PLCB1: variants seen among roughly 807,000 people sequenced by gnomAD.
PLCB1 encodes the protein 1-phosphatidylinositol 4,5-bisphosphate phosphodiesterase beta-1.
A neutral mutation model predicts 161.8 loss-of-function variants in PLCB1; 46 were observed. The ratio of observed to expected loss-of-function variants is 0.28; its 90% CI spans 0.22 to 0.36. The LOEUF is 0.36. Ranked by LOEUF, PLCB1 falls within the 10% of genes least tolerant of loss-of-function variation. The probability of loss-of-function intolerance (pLI) is 1.00; values close to 1 mark genes in which losing one functional copy is unlikely to be tolerated. For missense variants in PLCB1, 1,016 were observed against 1,472.5 expected (o/e 0.69, Z 5.07); for synonymous variants, 517 against 503.7 (o/e 1.03, Z -0.35).
intron 3 of PLCB1, among the ~76,000 whole-genome samples, chr20:8,518,392 C>A (rs1389860501): frequency 6.6e-6 from 1 of 152,042 alleles, no homozygotes; most frequent in Non-Finnish European, 1.5e-5. Flanking sequence ...CACAAAGGAG[C>A]CTCTCAGGGG....
intron 3 of PLCB1, among the ~76,000 whole-genome samples, chr20:8,385,240 C>G (rs1327224460): frequency 6.6e-6 from 1 of 152,150 alleles, no homozygotes; most frequent in Non-Finnish European, 1.5e-5. Context: ...GTTGGAGTTC[C>G]TGCAAGGAGT....
At chr20:8,286,400 G>A (rs913492969) in intron 2 of PLCB1, among the ~76,000 whole-genome samples, 1 of 152,154 alleles carries the variant, frequency 6.6e-6, no homozygotes. Context: ...TTACTGCCCT[G>A]ATTCCTGATT....
In PLCB1 at chr20:8,788,654, G is replaced by A. The variant is rs1399686432; in HGVS notation, c.3210G>A (p.Lys1070=). Residue 1070 remains lysine, a synonymous_variant, in exon 29 of 32, where the codon AAG becomes AAA. Coordinates refer to ENST00000338037, the MANE Select transcript of PLCB1 (RefSeq NM_015192.4). ...ICEKEKKELK[K]KMDKKRQEKI... is the part of the protein sequence containing the mutation. ...TCAGAGAAAAGAAAGAATTAAAGAA[G>A]AAAATGGATAAAAAGAGGCAGGAGA... 1 of 1,609,718 alleles carries A rather than the reference G, an allele frequency of 6.2e-7. No homozygotes were observed. Among genetic ancestry groups the A allele is most frequent in the South Asian group, 1.1e-5 (1 of 89,974 alleles).
chr20:8,702,944 T>C (rs1455636024), intron 11 of PLCB1, among the ~76,000 whole-genome samples: 4 of 152,212 alleles, frequency 2.6e-5, no homozygotes, highest in Non-Finnish European at 5.9e-5. Context: ...TTTTTTTTGC[T>C]TTAATAATTG....
chr20:8,454,301 G>A (rs1981201265), intron 3 of PLCB1, among the ~76,000 whole-genome samples: 1 of 152,160 alleles, frequency 6.6e-6, no homozygotes, highest in Non-Finnish European at 1.5e-5. Flanking sequence ...CAGGATCCAG[G>A]ACACCTTTGC....
intron 3 of PLCB1, among the ~76,000 whole-genome samples, chr20:8,493,366 A>T (rs972882853): frequency 3.9e-5 from 6 of 152,188 alleles, no homozygotes; most frequent in African/African-American, 1.4e-4. Flanking sequence ...ATTGGTTAAA[A>T]TTTTTTGTGT....
chr20:8,665,547 A>G (rs549612691), intron 9 of PLCB1, among the ~76,000 whole-genome samples: 30 of 152,300 alleles, frequency 2.0e-4, no homozygotes, highest in Middle Eastern at 6.8e-3. Flanking sequence ...AAAATATGGC[A>G]TGTCACATCT....
intron 31 of PLCB1, among the ~76,000 whole-genome samples, chr20:8,796,672 A>C (rs1984041000): frequency 6.6e-6 from 1 of 152,216 alleles, no homozygotes; most frequent in African/African-American, 2.4e-5. Flanking sequence ...CTTTTTAGGA[A>C]ACAAATATAG....
At position 8,349,827 on chromosome 20, in the gene PLCB1, C is replaced by G. The variant is rs149728717; in HGVS notation, c.178-21555C>G. On this transcript the variant is annotated intron_variant, in intron 2 of 31. Transcript: ENST00000338037. ...GGAGATATGGAGGGGTCAGAATGGTCTGTGGAAAAAGTACTGAATGTGGTC... is the reference window on the plus strand; with the variant it reads ...GGAGATATGGAGGGGTCAGAATGGTGTGTGGAAAAAGTACTGAATGTGGTC... Among the ~76,000 whole-genome samples the G allele has an allele frequency of 9.4e-4, 143 of 151,910 alleles. 1 individual carries two copies. The highest frequency in any genetic ancestry group is 4.3e-4 in the Non-Finnish European group (29 of 67,958).
intron 3 of PLCB1, among the ~76,000 whole-genome samples, chr20:8,570,937 A>G (rs1488583294): frequency 7.2e-5 from 11 of 152,204 alleles, no homozygotes; most frequent in Admixed American, 7.2e-4. Context: ...AAAGCTCATT[A>G]GTACAAAAGG....
At chr20:8,374,642 GA>G (rs1987016276) in intron 3 of PLCB1, among the ~76,000 whole-genome samples, 1 of 152,124 alleles carries the variant, frequency 6.6e-6, no homozygotes, top group Admixed American at 6.5e-5. Context: ...AGGAAAACTA[GA>G]CCATTGAGTT....
chr20:8,419,739 T>C (rs577198636), intron 3 of PLCB1, among the ~76,000 whole-genome samples: 1 of 152,248 alleles, frequency 6.6e-6, no homozygotes, highest in South Asian at 2.1e-4. Flanking sequence ...CCAACATAAG[T>C]AGAGAAGCAT....
chr20:8,548,304 G>T (rs975460290), intron 3 of PLCB1, among the ~76,000 whole-genome samples: 6 of 66,754 alleles, frequency 9.0e-5, no homozygotes, highest in Admixed American at 7.7e-4. Context: ...TTTTTCTTTC[G>T]TCTTCCTTCC....
intron 31 of PLCB1, among the ~76,000 whole-genome samples, chr20:8,878,236 T>C (rs369552564): frequency 5.9e-5 from 9 of 152,266 alleles, no homozygotes; most frequent in East Asian, 1.9e-4. Context: ...ATCTGTTGTT[T>C]TCTTAAAACA....
chr20:8,773,319 G>GA (rs545879026), intron 26 of PLCB1, among the ~76,000 whole-genome samples: 7 of 152,242 alleles, frequency 4.6e-5, no homozygotes, highest in Admixed American at 4.6e-4. Flanking sequence ...CCATATAAAT[G>GA]AAAAGAGCAT....
chr20:8,369,243 C>G (rs972731632), intron 2 of PLCB1, among the ~76,000 whole-genome samples: 1 of 152,128 alleles, frequency 6.6e-6, no homozygotes, highest in African/African-American at 2.4e-5. Flanking sequence ...TTATGACTTC[C>G]CTCTTTCCTT....
In PLCB1 at chr20:8,132,582, C is replaced by T; in HGVS notation, c.-70C>T. On this transcript the variant is annotated 5_prime_UTR_variant, in exon 1 of 32. Transcript: ENST00000338037. This position sits in a 1 kb window ranked among gnomAD's most constrained non-coding sequence, Gnocchi z 5.2. ...GAGAAAGGAGCCCGCGCCCCGCGCC[C>T]CGCGCCCCGCGCACGGTCCCCAGTC... 1 of 1,025,166 alleles carries T rather than the reference C, an allele frequency of 9.8e-7. No individual in the cohort carries two copies. Among genetic ancestry groups the T allele is most frequent in the Non-Finnish European group, 1.3e-6 (1 of 744,594 alleles). 63.5% of individuals were successfully genotyped at this position (1,025,166 alleles called of 1,614,324 possible). A position where few individuals can be genotyped will look rare whatever the true frequency, so the allele number is the denominator to read the frequency against.
intron 2 of PLCB1, among the ~76,000 whole-genome samples, chr20:8,167,885 A>T (rs2051691537): frequency 6.6e-6 from 1 of 151,684 alleles, no homozygotes; most frequent in Non-Finnish European, 1.5e-5. Context: ...CTGGGGGATC[A>T]TTTTTCTGGT....
intron 2 of PLCB1, among the ~76,000 whole-genome samples, chr20:8,276,590 T>A (rs1982557491): frequency 6.6e-6 from 1 of 152,206 alleles, no homozygotes; most frequent in Admixed American, 6.5e-5. Flanking sequence ...ACTCCTTAAA[T>A]GAGATTTTTG....
Sources: allele counts gnomAD v4.1 joint callset (sites outside exome capture counted in the v4.1 genomes callset), GRCh38; gene constraint gnomAD v4.1.1; non-coding constraint Gnocchi (gnomAD v3.1); transcripts MANE v1.5; gene names NCBI Gene and HGNC (gene_info 2026-07-23, HGNC 2026-07-21).